The following SORCS1 variants were observed in gnomAD, a reference collection of about 807,000 sequenced individuals.
SORCS1 encodes sortilin related VPS10 domain containing receptor 1.
Under a neutral mutation model 146.1 loss-of-function variants are expected in SORCS1, and 60 were observed. That is an observed-to-expected ratio of 0.41 (90% CI 0.33 to 0.51). The LOEUF is 0.51. SORCS1 is among the 20% of genes least tolerant of loss of function. The pLI, the probability that SORCS1 is intolerant of heterozygous loss-of-function variation, is 0.21. For missense variants in SORCS1, 1,352 were observed against 1,487.6 expected, an observed-to-expected ratio of 0.91 and a Z score of 1.50; for synonymous variants, 637 against 584.0, an observed-to-expected ratio of 1.09 and a Z score of -1.31.
chr10:107,113,462 A>T (rs1289356727), intron 1 of SORCS1, among the ~76,000 whole-genome samples: 1 of 151,890 alleles, frequency 6.6e-6, no homozygotes, highest in Non-Finnish European at 1.5e-5. Context: ...GCTGAGGCAG[A>T]TGGATCACGA....
intron 1 of SORCS1, among the ~76,000 whole-genome samples, chr10:106,975,359 C>T (rs1955948195): frequency 6.6e-6 from 1 of 152,236 alleles, no homozygotes; most frequent in Non-Finnish European, 1.5e-5. Flanking sequence ...TGACGCTTCT[C>T]ATCACCTTAA....
intron 1 of SORCS1, among the ~76,000 whole-genome samples, chr10:106,959,233 C>G (rs1446481546): frequency 2.0e-5 from 3 of 152,314 alleles, no homozygotes; most frequent in Middle Eastern, 3.4e-3. Context: ...GCCAGTGATA[C>G]ACTCAGGCAG....
At chr10:106,913,073 A>C (rs1332070393) in intron 2 of SORCS1, among the ~76,000 whole-genome samples, 1 of 114,858 alleles carries the variant, frequency 8.7e-6, no homozygotes, top group East Asian at 2.2e-4. Flanking sequence ...ACTGGACTGC[A>C]AAGAAAAAAA....
chr10:106,657,509 G>A (rs1445712025), intron 17 of SORCS1, among the ~76,000 whole-genome samples: 3 of 152,124 alleles, frequency 2.0e-5, no homozygotes, highest in Non-Finnish European at 4.4e-5. Context: ...TGGATACAAT[G>A]TATGCTACTC....
intron 2 of SORCS1, among the ~76,000 whole-genome samples, chr10:106,942,696 G>T (rs1035450009): frequency 2.0e-5 from 3 of 152,090 alleles, no homozygotes; most frequent in African/African-American, 4.8e-5. Context: ...CTTGGTAAAA[G>T]GAAAGCTCCC....
chr10:107,136,895 C>G (rs1232022736), intron 1 of SORCS1, among the ~76,000 whole-genome samples: 1 of 152,208 alleles, frequency 6.6e-6, no homozygotes, highest in African/African-American at 2.4e-5. Context: ...TTGAGAGGAC[C>G]AGTCAGCTCC....
In SORCS1 at chr10:106,710,598, A is replaced by C. The variant is rs1205352434; in HGVS notation, c.1025-1257T>G. ...CAGTTTGGTCGCTATTGCTGGAAAT[A>C]CATTTTATCAGGGAGGCTATTCCTG... On this transcript the variant is annotated intron_variant, in intron 6 of 25. Transcript: ENST00000263054. 2.6e-5 allele frequency among the ~76,000 whole-genome samples: 4 copies of C among 152,186 alleles called. 1 individual carries two copies. Among genetic ancestry groups the C allele is most frequent in the Non-Finnish European group, 5.9e-5 (4 of 68,038 alleles).
chr10:106,873,127 T>C (rs898290965), intron 2 of SORCS1, among the ~76,000 whole-genome samples: 1 of 151,980 alleles, frequency 6.6e-6, no homozygotes, highest in Non-Finnish European at 1.5e-5. Flanking sequence ...TGAGCCGAGA[T>C]TGCACCACTG....
At chr10:106,858,326 T>C (rs1564742955) in intron 2 of SORCS1, among the ~76,000 whole-genome samples, 1 of 151,894 alleles carries the variant, frequency 6.6e-6, no homozygotes, top group Non-Finnish European at 1.5e-5. Context: ...GATAAGAAAT[T>C]TGGGTGCATT....
chr10:106,628,503 T>C (rs1267820801), intron 19 of SORCS1, among the ~76,000 whole-genome samples: 2 of 152,220 alleles, frequency 1.3e-5, no homozygotes, highest in African/African-American at 2.4e-5. Flanking sequence ...ACACCTAACA[T>C]GTTAATGACA....
chr10:107,010,365 C>G (rs1305399922), intron 1 of SORCS1, among the ~76,000 whole-genome samples: 3 of 152,180 alleles, frequency 2.0e-5, no homozygotes, highest in African/African-American at 7.2e-5. Flanking sequence ...GAAAGAAAAT[C>G]CCAGCCATGC....
chr10:106,877,547 A>T (rs1214152026), intron 2 of SORCS1, among the ~76,000 whole-genome samples: 2 of 152,366 alleles, frequency 1.3e-5, no homozygotes, highest in African/African-American at 4.8e-5. Flanking sequence ...GAACAAAACA[A>T]AAAACTGAAT....
Position 106,709,204 on chromosome 10 carries a change from A to G in SORCS1, c.1143+19T>C. The G allele has an allele frequency of 6.4e-7, 1 of 1,561,080 alleles. No individual in the cohort carries two copies. Among genetic ancestry groups the G allele is most frequent in the Non-Finnish European group, 8.8e-7 (1 of 1,132,490 alleles). On this transcript the variant is annotated intron_variant, in intron 7 of 25. Transcript: ENST00000263054. ...AAGAAAGGTTTCTGAGACAATCAAC[A>G]GAAGTGGATTTTTCCTACCTGAACA...
At chr10:107,146,743 C>T (rs954061672) in intron 1 of SORCS1, among the ~76,000 whole-genome samples, 2 of 152,134 alleles carry the variant, frequency 1.3e-5, no homozygotes, top group Non-Finnish European at 2.9e-5. Context: ...TAGACCCCAA[C>T]TTCACAACTC....
chr10:106,870,453 G>A (rs1222744363), intron 2 of SORCS1, among the ~76,000 whole-genome samples: 4 of 152,182 alleles, frequency 2.6e-5, no homozygotes, highest in African/African-American at 9.7e-5. Flanking sequence ...CAGGGCTACA[G>A]TAACCAAAAG....
chr10:106,975,198 T>C (rs1421223349), intron 1 of SORCS1, among the ~76,000 whole-genome samples: 1 of 152,232 alleles, frequency 6.6e-6, no homozygotes, highest in Non-Finnish European at 1.5e-5. Context: ...AGATCCAAAA[T>C]TTCCCAACCT....
intron 2 of SORCS1, among the ~76,000 whole-genome samples, chr10:106,899,938 A>C (rs1375006559): frequency 9.2e-5 from 14 of 151,848 alleles, no homozygotes; most frequent in Admixed American, 9.2e-4. Flanking sequence ...TTATATACGT[A>C]TATGTATGTG....
chr10:106,779,591 C>T (rs764880674), intron 3 of SORCS1, among the ~76,000 whole-genome samples: 1 of 145,192 alleles, frequency 6.9e-6, no homozygotes, highest in East Asian at 2.0e-4. Context: ...CGCTCTGTTG[C>T]CCAGGCTGTA....
chr10:106,881,380 AC>A (rs1950800299), intron 2 of SORCS1, among the ~76,000 whole-genome samples: 3 of 152,218 alleles, frequency 2.0e-5, no homozygotes, highest in Admixed American at 6.5e-5. Context: ...TTTAATAAAT[AC>A]CTATTCTTTT....
Sources: gnomAD v4.1 joint callset for allele counts (sites outside exome capture counted in the v4.1 genomes callset) on GRCh38, gnomAD v4.1.1 for gene constraint, MANE v1.5 for transcripts, NCBI Gene and HGNC (gene_info 2026-07-23, HGNC 2026-07-21) for gene names.